Variants in MAML3 observed in about 807,000 individuals in gnomAD.
MAML3 encodes the protein mastermind-like protein 3.
MAML3 carries 27 observed loss-of-function variants against 101.9 expected under a neutral mutation model. The observed-to-expected ratio is 0.27, with a 90% CI of 0.20 to 0.37. The LOEUF is 0.37. Ranked by LOEUF, MAML3 falls within the 10% of genes least tolerant of loss-of-function variation. The probability of loss-of-function intolerance (pLI) is 1.00; values close to 1 mark genes in which losing one functional copy is unlikely to be tolerated. For missense variants in MAML3, 1,316 were observed against 1,444.9 expected, an observed-to-expected ratio of 0.91 and a Z score of 1.45; for synonymous variants, 501 against 555.9, an observed-to-expected ratio of 0.90 and a Z score of 1.39.
chr4:139,732,211 G>A (rs527367920), intron 2 of MAML3, among the ~76,000 whole-genome samples: 4 of 152,148 alleles, frequency 2.6e-5, no homozygotes, highest in African/African-American at 9.6e-5. Context: ...TGCAGATACC[G>A]TTAAACATAT....
intron 2 of MAML3, among the ~76,000 whole-genome samples, chr4:139,801,636 GTGTGTGGGTGT>G (rs1730607193): frequency 1.8e-4 from 2 of 10,930 alleles, no homozygotes; most frequent in African/African-American, 4.3e-4. Flanking sequence ...GGAACAGGGT[GTGTGTGGGTGT>G]GTGTGTGTGT....
At chr4:140,021,872 A>C (rs1405747916) in intron 1 of MAML3, among the ~76,000 whole-genome samples, 4 of 152,150 alleles carry the variant, frequency 2.6e-5, no homozygotes, top group African/African-American at 9.7e-5. Context: ...CTGTCATCAT[A>C]ATGAGAGCAA....
At chr4:140,010,673 G>A (rs951459598) in intron 1 of MAML3, among the ~76,000 whole-genome samples, 10 of 152,108 alleles carry the variant, frequency 6.6e-5, no homozygotes, top group African/African-American at 2.2e-4. Context: ...GTCTGCTCAT[G>A]TTAGGAAAAA....
intron 1 of MAML3, among the ~76,000 whole-genome samples, chr4:139,962,657 T>A (rs949710728): frequency 2.6e-5 from 4 of 152,238 alleles, no homozygotes; most frequent in Non-Finnish European, 5.9e-5. Context: ...GTGCTATCTT[T>A]GCAACTTCTC....
chr4:139,882,261 G>A (rs1306751248), intron 2 of MAML3, among the ~76,000 whole-genome samples: 1 of 151,214 alleles, frequency 6.6e-6, no homozygotes, highest in African/African-American at 2.4e-5. Context: ...AAAGAAGAGA[G>A]AAATTACCAA....
chr4:139,735,672 GA>G lies in MAML3; in HGVS notation c.2080-5006del, dbSNP rs1728910066. Among the ~76,000 whole-genome samples, 2 of 152,196 alleles carry G rather than the reference GA, an allele frequency of 1.3e-5. No homozygotes were observed. The highest frequency in any genetic ancestry group is 2.4e-5 in the African/African-American group (1 of 41,450). ...CCTAAATGAAATTTAGGGTTTTATT[GA>G]AAAAGTCCCCTGGGGCCTAATTTAG... is the stretch of plus-strand genomic sequence containing the variant. On this transcript the variant is annotated intron_variant, in intron 2 of 4. Coordinates refer to ENST00000509479, the MANE Select transcript of MAML3 (RefSeq NM_018717.5). This position sits in a 1 kb window ranked among gnomAD's most constrained non-coding sequence, Gnocchi z 5.8.
chr4:139,926,465 T>G (rs1490698394), intron 1 of MAML3, among the ~76,000 whole-genome samples: 1 of 152,112 alleles, frequency 6.6e-6, no homozygotes, highest in Middle Eastern at 3.2e-3. Context: ...CTGGGCATGG[T>G]GGCGGGAGCC....
rs1371575740 is a variant in MAML3, at chr4:139,853,833, T to TA, written c.2079+35523_2079+35524insT. Among the ~76,000 whole-genome samples, 116 of 152,092 alleles carry TA rather than the reference T, an allele frequency of 7.6e-4. 1 individual carries two copies. Among genetic ancestry groups the TA allele is most frequent in the African/African-American group, 2.0e-3 (83 of 41,474 alleles). On this transcript the variant is annotated intron_variant, in intron 2 of 4. Coordinates refer to ENST00000509479, the MANE Select transcript of MAML3 (RefSeq NM_018717.5). ...TAAATTTTTTATTTTATTTTTATTT[T>TA]TTTTTTGAGATGGGGTCTCGCTCTG...
At chr4:139,861,812 T>C (rs78260584) in intron 2 of MAML3, among the ~76,000 whole-genome samples, 2,251 of 152,214 alleles carry the variant, frequency 0.015, 64 homozygotes, top group African/African-American at 0.051. Context: ...TCCTTTTCTA[T>C]AAGCCCCTGT....
At position 140,060,365 on chromosome 4, in the gene MAML3, C is replaced by CAAAAAAAAAAAAAAAAAAAAA. The variant is rs70943471; in HGVS notation, c.468+92494_468+92495insTTTTTTTTTTTTTTTTTTTTT. The stretch of plus-strand genomic sequence containing the variant: ...TGGGCGACAGAGTAAGACTCTGTCT[C>CAAAAAAAAAAAAAAAAAAAAA]AAAAAAAAAAAAAAAAAAAAGTCAC... On this transcript the variant is annotated intron_variant, in intron 1 of 4. Transcript: ENST00000509479. Among the ~76,000 whole-genome samples, 41 of 19,120 alleles carry CAAAAAAAAAAAAAAAAAAAAA rather than the reference C, an allele frequency of 2.1e-3. 16 individuals are homozygous for CAAAAAAAAAAAAAAAAAAAAA. Among genetic ancestry groups the CAAAAAAAAAAAAAAAAAAAAA allele is most frequent in the Non-Finnish European group, 2.7e-3 (29 of 10,742 alleles). The allele number at this position is 19,120 out of a possible 152,430, so 12.5% of individuals were successfully genotyped here.
At chr4:139,835,162 G>C (rs1030253470) in intron 2 of MAML3, among the ~76,000 whole-genome samples, 5 of 152,244 alleles carry the variant, frequency 3.3e-5, no homozygotes, top group Admixed American at 3.3e-4. Context: ...TTTTCACTAA[G>C]AGCAGGGGCT....
At chr4:140,114,838 T>C (rs1213025151) in intron 1 of MAML3, among the ~76,000 whole-genome samples, 1 of 152,194 alleles carries the variant, frequency 6.6e-6, no homozygotes, top group Non-Finnish European at 1.5e-5. Context: ...TTTTCAACAA[T>C]ATAGCCATAA....
chr4:140,113,457 CT>C (rs1728470585), intron 1 of MAML3, among the ~76,000 whole-genome samples: 1 of 152,170 alleles, frequency 6.6e-6, no homozygotes, highest in South Asian at 2.1e-4. Flanking sequence ...GTTCCACCTT[CT>C]TGTCATGGAC....
chr4:139,729,426 C>T (rs72730203), intron 3 of MAML3, among the ~76,000 whole-genome samples: 3,522 of 152,172 alleles, frequency 0.023, 67 homozygotes, highest in Admixed American at 0.045. Context: ...TCGAGACCAG[C>T]CTGGTCAACA....
chr4:139,804,814 G>T (rs1730675881), intron 2 of MAML3, among the ~76,000 whole-genome samples: 1 of 152,204 alleles, frequency 6.6e-6, no homozygotes, highest in African/African-American at 2.4e-5. Context: ...GCTAAGGTCT[G>T]AAGTGTGGCT....
intron 2 of MAML3, among the ~76,000 whole-genome samples, chr4:139,737,981 A>C (rs6536411): frequency 0.4 from 60,881 of 152,148 alleles, 13,318 homozygotes; most frequent in South Asian, 0.54. Context: ...AGCAGCAATA[A>C]CTTGGGGCCC....
In MAML3 at chr4:140,103,452, T is replaced by C. The variant is rs78614889; in HGVS notation, c.468+49408A>G. Among the ~76,000 whole-genome samples, 553 of 152,346 alleles carry C rather than the reference T, an allele frequency of 3.6e-3. 2 individuals carry two copies. Among genetic ancestry groups the C allele is most frequent in the African/African-American group, 0.012 (516 of 41,578 alleles). On this transcript the variant is annotated intron_variant, in intron 1 of 4. Coordinates refer to ENST00000509479, the MANE Select transcript of MAML3 (RefSeq NM_018717.5). ...ATGTTAGGTACATTTAAATGGGTAT[T>C]TGTGTTCTGAAAATCCTAATTGGAA...
chr4:139,928,921 A>C (rs1431314233), intron 1 of MAML3, among the ~76,000 whole-genome samples: 1 of 152,232 alleles, frequency 6.6e-6, no homozygotes, highest in African/African-American at 2.4e-5. Flanking sequence ...ATAGTTTAGA[A>C]TATCAGACAG....
intron 1 of MAML3, among the ~76,000 whole-genome samples, chr4:139,965,318 T>G (rs1734108871): frequency 6.6e-6 from 1 of 152,138 alleles, no homozygotes; most frequent in Non-Finnish European, 1.5e-5. Flanking sequence ...TGTATGAACT[T>G]GAGAGTTGAA....
Sources: gnomAD v4.1 joint callset for allele counts (sites outside exome capture counted in the v4.1 genomes callset) on GRCh38, gnomAD v4.1.1 for gene constraint, Gnocchi (gnomAD v3.1) non-coding constraint, MANE v1.5 for transcripts, NCBI Gene and HGNC (gene_info 2026-07-23, HGNC 2026-07-21) for gene names.